NR6A1: variants seen among roughly 807,000 people sequenced by gnomAD.
NR6A1 encodes the protein retinoic acid receptor-related testis-associated receptor.
In NR6A1, 7 loss-of-function variants were observed where a neutral mutation model predicts 59.1. The ratio of observed to expected loss-of-function variants is 0.12; its 90% CI spans 0.07 to 0.22. NR6A1 has a LOEUF of 0.22. Among genes scored for constraint, NR6A1 ranks in the 10% least tolerant of loss-of-function variants. NR6A1 has a pLI of 1.00. For missense variants in NR6A1, 468 were observed against 611.6 expected (o/e 0.77, Z 2.48); for synonymous variants, 243 against 236.1 (o/e 1.03, Z -0.27).
intron 2 of NR6A1, among the ~76,000 whole-genome samples, chr9:124,640,032 T>TA (rs1836726823): frequency 6.6e-6 from 1 of 152,210 alleles, no homozygotes; most frequent in Admixed American, 6.5e-5. Context: ...TTTCCATTTT[T>TA]AAAATGCATA....
intron 1 of NR6A1, among the ~76,000 whole-genome samples, chr9:124,770,659 G>A (rs1841115109): frequency 7.4e-6 from 1 of 134,320 alleles, no homozygotes; most frequent in Non-Finnish European, 1.6e-5. Context: ...GTGCTGGGAA[G>A]ACAGGGGGAG....
At chr9:124,618,363 A>C (rs369384533) in intron 2 of NR6A1, among the ~76,000 whole-genome samples, 1 of 152,142 alleles carries the variant, frequency 6.6e-6, no homozygotes. Context: ...TGTGCCTGTA[A>C]TCCCAGCTAC....
chr9:124,671,616 TA>T (rs1279316594), intron 2 of NR6A1, among the ~76,000 whole-genome samples: 2 of 152,166 alleles, frequency 1.3e-5, no homozygotes, highest in Non-Finnish European at 2.9e-5. Flanking sequence ...AAAGTATTAT[TA>T]ATTAGATCAA....
intron 1 of NR6A1, among the ~76,000 whole-genome samples, chr9:124,761,022 AG>A (rs1467795509): frequency 6.6e-6 from 1 of 152,230 alleles, no homozygotes; most frequent in African/African-American, 2.4e-5. Flanking sequence ...GAATAGAGAG[AG>A]GAAGTCTCCT....
At position 124,703,293 on chromosome 9, in the gene NR6A1, T is replaced by C. The variant is rs565843265; in HGVS notation, c.142+30015A>G. ...AGTGGCACAATCATAGCGTACTGCA[T>C]TCTCAAACTCCTGGGCTCAGGTGAT... On this transcript the variant is annotated intron_variant, in intron 2 of 9. Transcript: ENST00000487099. Among the ~76,000 whole-genome samples, 84 of 149,318 alleles carry C rather than the reference T, an allele frequency of 5.6e-4. 1 individual carries two copies. In the South Asian group the frequency reaches 0.017, roughly 31 times the overall value.
chr9:124,742,178 G>A (rs1054100229), intron 1 of NR6A1, among the ~76,000 whole-genome samples: 43 of 152,148 alleles, frequency 2.8e-4, no homozygotes, highest in Admixed American at 1.6e-3. Context: ...TGTACACCTA[G>A]GAAGTTTGTC....
intron 1 of NR6A1, among the ~76,000 whole-genome samples, chr9:124,766,125 A>G (rs1367077571): frequency 6.6e-6 from 1 of 152,216 alleles, no homozygotes; most frequent in African/African-American, 2.4e-5. Flanking sequence ...TTAAGCTCTA[A>G]AAAGCTCAAT....
intron 2 of NR6A1, among the ~76,000 whole-genome samples, chr9:124,617,219 C>T (rs1318153358): frequency 6.6e-6 from 1 of 152,170 alleles, no homozygotes; most frequent in Non-Finnish European, 1.5e-5. Context: ...TTTATTAGCA[C>T]CACTAACATA....
At chr9:124,651,578 T>C (rs1393286538) in intron 2 of NR6A1, among the ~76,000 whole-genome samples, 1 of 152,180 alleles carries the variant, frequency 6.6e-6, no homozygotes, top group Non-Finnish European at 1.5e-5. Flanking sequence ...CCACAGTGGT[T>C]CCCTTCTCCC....
chr9:124,690,142 C>A (rs926481912), intron 2 of NR6A1, among the ~76,000 whole-genome samples: 2 of 152,192 alleles, frequency 1.3e-5, no homozygotes, highest in African/African-American at 4.8e-5. Context: ...ATGCTTCCTG[C>A]ATGGTGCTTG....
chr9:124,677,660 T>C lies in NR6A1; in HGVS notation c.142+55648A>G, dbSNP rs75609038. On this transcript the variant is annotated intron_variant, in intron 2 of 9. Coordinates refer to ENST00000487099, the MANE Select transcript of NR6A1 (RefSeq NM_033334.4). ...TATGTATTATATATGTTAACTACTA[T>C]CCAGATCAAAATATGAGCACACATT... Among the ~76,000 whole-genome samples, 662 of 152,224 alleles carry C rather than the reference T, an allele frequency of 4.3e-3. 5 individuals are homozygous for C. Among genetic ancestry groups the C allele is most frequent in the African/African-American group, 0.015 (617 of 41,536 alleles).
intron 2 of NR6A1, among the ~76,000 whole-genome samples, chr9:124,630,728 G>C (rs1440902198): frequency 8.2e-6 from 1 of 122,038 alleles, no homozygotes; most frequent in Admixed American, 1.1e-4. Context: ...GCCCAGGCTA[G>C]AGTGCAATGG....
chr9:124,662,028 T>C (rs1020985344), intron 2 of NR6A1, among the ~76,000 whole-genome samples: 2 of 150,488 alleles, frequency 1.3e-5, no homozygotes, highest in Non-Finnish European at 2.9e-5. Flanking sequence ...ATGACAAGTA[T>C]GACAAGATAG....
intron 1 of NR6A1, among the ~76,000 whole-genome samples, chr9:124,754,036 G>A (rs528997461): frequency 1.3e-5 from 2 of 152,246 alleles, no homozygotes; most frequent in South Asian, 4.1e-4. Context: ...ATTTCATTTG[G>A]GCAAATTCAA....
rs146131818 is a variant in NR6A1, at chr9:124,565,291, G to T, written c.143-10721C>A. ...ACAATACAAAAATTAGCTGGGCATG[G>T]TGGCACGCGCTTGTAGTCCCAGATA... On this transcript the variant is annotated intron_variant, in intron 2 of 9. Coordinates refer to ENST00000487099, the MANE Select transcript of NR6A1 (RefSeq NM_033334.4). Among the ~76,000 whole-genome samples the T allele has an allele frequency of 1.2e-3, 186 of 152,230 alleles. 2 individuals are homozygous for T. Among genetic ancestry groups the T allele is most frequent in the African/African-American group, 4.0e-3 (165 of 41,546 alleles).
chr9:124,718,966 C>T (rs1201797544), intron 2 of NR6A1, among the ~76,000 whole-genome samples: 1 of 151,398 alleles, frequency 6.6e-6, no homozygotes, highest in Non-Finnish European at 1.5e-5. Context: ...AGGCATGCAC[C>T]AGCACGCCTG....
At chr9:124,588,615 T>C (rs956894300) in intron 2 of NR6A1, among the ~76,000 whole-genome samples, 11 of 144,262 alleles carry the variant, frequency 7.6e-5, no homozygotes, top group Non-Finnish European at 1.4e-4. Context: ...GAACACGTCG[T>C]ACTGTTAATA....
intron 1 of NR6A1, among the ~76,000 whole-genome samples, chr9:124,751,217 A>G (rs1034962767): frequency 2.0e-5 from 3 of 152,256 alleles, no homozygotes; most frequent in African/African-American, 7.2e-5. Flanking sequence ...GACACTAGTC[A>G]CACCCAAGTA....
intron 2 of NR6A1, among the ~76,000 whole-genome samples, chr9:124,696,335 T>TGAAAG (rs1203271060): frequency 6.6e-6 from 1 of 152,094 alleles, no homozygotes; most frequent in Non-Finnish European, 1.5e-5. Flanking sequence ...AGGAATGGAA[T>TGAAAG]GAAAGGAAAG....
Sources: gnomAD v4.1 joint callset for allele counts (sites outside exome capture counted in the v4.1 genomes callset) on GRCh38, gnomAD v4.1.1 for gene constraint, MANE v1.5 for transcripts, NCBI Gene and HGNC (gene_info 2026-07-23, HGNC 2026-07-21) for gene names.